Variants in FBXO34 observed in about 807,000 individuals in gnomAD.
The protein encoded by FBXO34 is F-box only protein 34.
Under a neutral mutation model 24.5 loss-of-function variants are expected in FBXO34, and 12 were observed. The ratio of observed to expected loss-of-function variants is 0.49; its 90% CI spans 0.31 to 0.79. The LOEUF is 0.79. FBXO34 is among the 30% of genes least tolerant of loss of function. The probability of loss-of-function intolerance (pLI) is 0.04; values close to 1 mark genes in which losing one functional copy is unlikely to be tolerated. For missense variants in FBXO34, 823 were observed against 857.7 expected (o/e 0.96, Z 0.51); for synonymous variants, 320 against 311.9 (o/e 1.03, Z -0.27).
chr14:55,294,406 A>G (rs1478415060), intron 1 of FBXO34, among the ~76,000 whole-genome samples: 1 of 152,062 alleles, frequency 6.6e-6, no homozygotes, highest in East Asian at 1.9e-4. Context: ...TCTGACTTCA[A>G]CCTCCCAAGT....
downstream of FBXO34, among the ~76,000 whole-genome samples, chr14:55,364,796 G>A (rs1176465176): frequency 6.7e-6 from 1 of 149,352 alleles, no homozygotes; most frequent in Non-Finnish European, 1.5e-5. Flanking sequence ...GAGTACAGTG[G>A]TGCAATCACA....
intron 1 of FBXO34, among the ~76,000 whole-genome samples, chr14:55,328,512 A>G (rs1373276978): frequency 6.6e-6 from 1 of 152,236 alleles, no homozygotes; most frequent in Non-Finnish European, 1.5e-5. Flanking sequence ...CAAAGGAATG[A>G]TTCTCATCCT....
intron 1 of FBXO34, among the ~76,000 whole-genome samples, chr14:55,297,032 T>C (rs1042313418): frequency 1.8e-4 from 28 of 152,202 alleles, no homozygotes; most frequent in African/African-American, 6.3e-4. Context: ...AGACCCACCC[T>C]AATCTTAGGA....
intron 1 of FBXO34, among the ~76,000 whole-genome samples, chr14:55,297,181 T>G (rs975988058): frequency 6.6e-6 from 1 of 152,210 alleles, no homozygotes; most frequent in African/African-American, 2.4e-5. Context: ...CAGCTCTATT[T>G]TATAGGCTGC....
intron 1 of FBXO34, among the ~76,000 whole-genome samples, chr14:55,291,502 A>G (rs1881943916): frequency 6.6e-6 from 1 of 152,224 alleles, no homozygotes; most frequent in Admixed American, 6.5e-5. Context: ...GTGAACTGAC[A>G]GGAAAACAGG....
At chr14:55,312,802 C>T (rs1882792966) in intron 1 of FBXO34, among the ~76,000 whole-genome samples, 2 of 152,220 alleles carry the variant, frequency 1.3e-5, no homozygotes, top group Admixed American at 6.5e-5. Flanking sequence ...AGGCTGTGGG[C>T]CTGGCCCAGG....
chr14:55,352,270 A>G lies in FBXO34; in HGVS notation c.1880A>G (p.Tyr627Cys). 1.9e-6 allele frequency: 3 copies of G among 1,614,218 alleles called. No homozygotes were observed. The highest frequency in any genetic ancestry group is 2.5e-6 in the Non-Finnish European group (3 of 1,180,020). Reference sequence around the variant, plus strand: ...TCTCGCTGGGTTCGAGATCCACGCTATAGAGAGGATCCTTGCAAACAGTGC... The same window carrying G: ...TCTCGCTGGGTTCGAGATCCACGCTGTAGAGAGGATCCTTGCAAACAGTGC... The part of the protein sequence containing the change: ...ADSRWVRDPR[Y>C]REDPCKQCKK... The change falls in exon 2 of 2, where the codon TAT becomes TGT. Residue 627 changes from tyrosine (Y) to cysteine (C), a missense_variant. Tyr to Cys is a radical substitution (Grantham distance 194). Coordinates refer to ENST00000313833, the MANE Select transcript of FBXO34 (RefSeq NM_017943.4).
intron 1 of FBXO34, among the ~76,000 whole-genome samples, chr14:55,311,394 T>C (rs969623864): frequency 3.9e-5 from 6 of 152,180 alleles, no homozygotes; most frequent in African/African-American, 7.2e-5. Flanking sequence ...AGCCCAACCA[T>C]ATCATTGTTT....
At chr14:55,442,450 T>C in the FBXO34 span, among the ~76,000 whole-genome samples, 7 of 152,060 alleles carry the variant, frequency 4.6e-5, no homozygotes, top group South Asian at 2.1e-4. Flanking sequence ...TAGATTTTGC[T>C]CTCTGAGAGC....
chr14:55,426,921 G>T, the FBXO34 span, among the ~76,000 whole-genome samples: 28 of 151,084 alleles, frequency 1.9e-4, no homozygotes, highest in Non-Finnish European at 1.9e-4. Context: ...AAAAAGAAAT[G>T]AATGGACACT....
At chr14:55,411,463 C>T in the FBXO34 span, 1 of 844,632 alleles carries the variant, frequency 1.2e-6, no homozygotes, top group Non-Finnish European at 1.8e-6. Flanking sequence ...CGGTGCAGAG[C>T]AGCTAGCTAC....
chr14:55,423,116 A>G, the FBXO34 span, among the ~76,000 whole-genome samples: 1 of 152,216 alleles, frequency 6.6e-6, no homozygotes, highest in Non-Finnish European at 1.5e-5. Context: ...ATTATTTACA[A>G]GAGACAAAAT....
chr14:55,432,467 A>T, the FBXO34 span, among the ~76,000 whole-genome samples: 3 of 141,386 alleles, frequency 2.1e-5, no homozygotes, highest in African/African-American at 8.8e-5. Context: ...ATAAAATACC[A>T]TAAACAGTAA....
intron 1 of FBXO34, among the ~76,000 whole-genome samples, chr14:55,286,671 A>C (rs1881772119): frequency 1.3e-5 from 2 of 152,276 alleles, no homozygotes; most frequent in East Asian, 3.9e-4. Context: ...TTTCCACACT[A>C]GTTACTAAGA....
chr14:55,370,319 A>ATACTC (rs1884785117), downstream of FBXO34, among the ~76,000 whole-genome samples: 1 of 152,242 alleles, frequency 6.6e-6, no homozygotes, highest in East Asian at 1.9e-4. Context: ...CACTTGATGT[A>ATACTC]TACTCTGGAT....
chr14:55,284,963 T>C (rs118089041), intron 1 of FBXO34, among the ~76,000 whole-genome samples: 1,949 of 150,064 alleles, frequency 0.013, 150 homozygotes, highest in Non-Finnish European at 0.021. Context: ...TTGTGAATCT[T>C]TACCATGTTT....
the FBXO34 span, among the ~76,000 whole-genome samples, chr14:55,431,254 A>G: frequency 1.3e-5 from 2 of 152,260 alleles, no homozygotes; most frequent in African/African-American, 4.8e-5. Flanking sequence ...GATAAAAAGT[A>G]TCTCTTATTA....
At chr14:55,417,453 TAAAA>T in the FBXO34 span, among the ~76,000 whole-genome samples, 1,514 of 91,336 alleles carry the variant, frequency 0.017, 42 homozygotes, top group African/African-American at 0.067. Context: ...ACCCTTGCCT[TAAAA>T]AAAAAAAAAA....
At chr14:55,426,138 G>A in the FBXO34 span, among the ~76,000 whole-genome samples, 1 of 151,848 alleles carries the variant, frequency 6.6e-6, no homozygotes, top group Non-Finnish European at 1.5e-5. Flanking sequence ...GTGGTGGTGG[G>A]TGCCTATAAT....
Sources: allele counts gnomAD v4.1 joint callset (sites outside exome capture counted in the v4.1 genomes callset), GRCh38; gene constraint gnomAD v4.1.1; transcripts MANE v1.5; gene names NCBI Gene and HGNC (gene_info 2026-07-23, HGNC 2026-07-21).